Variants in AP2A2 observed in about 807,000 individuals in gnomAD.
AP2A2 encodes the protein AP-2 complex subunit alpha-2.
Under a neutral mutation model 104.2 loss-of-function variants are expected in AP2A2, and 32 were observed. The observed-to-expected ratio is 0.31, with a 90% CI of 0.23 to 0.41. The LOEUF (loss-of-function observed/expected upper bound fraction) is 0.41, where lower values mean the gene tolerates loss of function less well. Among genes scored for constraint, AP2A2 ranks in the 10% least tolerant of loss-of-function variants. The pLI, the probability that AP2A2 is intolerant of heterozygous loss-of-function variation, is 1.00. For synonymous variants in AP2A2, 539 were observed against 533.3 expected (o/e 1.01, Z -0.15); for missense variants, 912 against 1,261.0 (o/e 0.72, Z 4.19).
rs757038901 is a variant in AP2A2, at chr11:994,135, A to G, written c.1846A>G (p.Lys616Glu). The change falls in exon 14 of 22, where the codon AAG becomes GAG. Residue 616 changes from lysine (K) to glutamate (E), a missense_variant. Coordinates refer to ENST00000448903, the MANE Select transcript of AP2A2 (RefSeq NM_012305.4). ...ERESSILAKL[K>E]KKKGPSTVTD... ...GGAGTCCTCCATCTTGGCAAAGCTC[A>G]AGAAGAAGAAGGGCCCCAGCACGGT... 14 of 1,612,590 alleles carry G rather than the reference A, an allele frequency of 8.7e-6. No homozygotes were observed. Among genetic ancestry groups the G allele is most frequent in the Non-Finnish European group, 1.2e-5 (14 of 1,179,388 alleles).
At chr11:997,075 C>G (rs906297202) in intron 14 of AP2A2, among the ~76,000 whole-genome samples, 1 of 152,172 alleles carries the variant, frequency 6.6e-6, no homozygotes, top group Admixed American at 6.5e-5. Flanking sequence ...TGCTCAGGGT[C>G]TTCTGTATGG....
chr11:986,694 G>A (rs1855469190), intron 8 of AP2A2, 91 bp from the exon 9 acceptor site: 4 of 1,455,560 alleles, frequency 2.7e-6, no homozygotes, highest in East Asian at 4.9e-5. Context: ...TTTGCTGTCT[G>A]CCATCTGGAC....
intron 16 of AP2A2, among the ~76,000 whole-genome samples, chr11:1,004,474 A>G (rs1236669514): frequency 6.9e-6 from 1 of 145,604 alleles, no homozygotes; most frequent in Non-Finnish European, 1.5e-5. Context: ...CTCTGTAAAT[A>G]AATAAATAAA....
chr11:970,491 G>A (rs1443742703), intron 3 of AP2A2, among the ~76,000 whole-genome samples, 180 bp downstream of exon 3: 1 of 152,230 alleles, frequency 6.6e-6, no homozygotes, highest in Non-Finnish European at 1.5e-5. Context: ...AACACCCTGC[G>A]GGCCCCCTTC....
intron 2 of AP2A2, among the ~76,000 whole-genome samples, chr11:967,348 C>T (rs911413755): frequency 2.2e-4 from 33 of 151,910 alleles, no homozygotes; most frequent in Non-Finnish European, 8.8e-5. Context: ...TGTGCTGTTT[C>T]GTTTTATTTT....
Position 927,565 on chromosome 11 carries a change from C to T in AP2A2, c.67+1477C>T, listed in dbSNP as rs542220490. Reference sequence around the variant, plus strand: ...GTGCGGTGGCTCAAACCTATAGTCCCAGCATTTTGGGAGGCTGAGGCAGGT... The same window carrying T: ...GTGCGGTGGCTCAAACCTATAGTCCTAGCATTTTGGGAGGCTGAGGCAGGT... On this transcript the variant is annotated intron_variant, in intron 1 of 21. Transcript: ENST00000448903. Among the ~76,000 whole-genome samples the T allele has an allele frequency of 4.3e-4, 65 of 151,110 alleles. No homozygotes were observed. The South Asian group carries it at 0.014, about 32-fold the overall frequency.
At chr11:1,001,019 C>T (rs1856013843) in intron 15 of AP2A2, among the ~76,000 whole-genome samples, 1 of 152,226 alleles carries the variant, frequency 6.6e-6, no homozygotes, top group African/African-American at 2.4e-5. Context: ...TGTGTCTGTC[C>T]TGGAGGCCCG....
intron 1 of AP2A2, among the ~76,000 whole-genome samples, chr11:929,680 C>T (rs530806421): frequency 2.6e-5 from 4 of 152,206 alleles, no homozygotes; most frequent in African/African-American, 9.6e-5. Flanking sequence ...CCTGTGGTCC[C>T]AGTTACTCAG....
At chr11:944,068 G>A (rs929422092) in intron 1 of AP2A2, among the ~76,000 whole-genome samples, 1 of 151,118 alleles carries the variant, frequency 6.6e-6, no homozygotes, top group Non-Finnish European at 1.5e-5. Context: ...GAGTAAGGGA[G>A]TCTGACTGGA....
intron 1 of AP2A2, chr11:942,367 T>C (rs574614942): frequency 1.6e-4 from 24 of 152,364 alleles, no homozygotes; most frequent in African/African-American, 5.8e-4. Context: ...AAGGACCTTG[T>C]TCCCCATTCA....
At chr11:988,963 C>G (rs1327246041) in intron 10 of AP2A2, 1 of 479,822 alleles carries the variant, frequency 2.1e-6, no homozygotes. Flanking sequence ...TCACTGCACT[C>G]TAGCCTGGGC....
At chr11:1,010,209 A>C in intron 21 of AP2A2, 1 of 492,034 alleles carries the variant, frequency 2.0e-6, no homozygotes, top group Non-Finnish European at 3.6e-6. Context: ...CGTTCTGGCG[A>C]CGGACACCTG....
intron 3 of AP2A2, among the ~76,000 whole-genome samples, chr11:971,169 A>C (rs1408373885): frequency 6.6e-6 from 1 of 152,020 alleles, no homozygotes; most frequent in African/African-American, 2.4e-5. Flanking sequence ...CAGGGACTGG[A>C]ACTTGGGCCT....
At chr11:994,932 A>G (rs1855801233) in intron 14 of AP2A2, among the ~76,000 whole-genome samples, 1 of 125,322 alleles carries the variant, frequency 8.0e-6, no homozygotes, top group African/African-American at 2.9e-5. Context: ...CCTGGGGGCC[A>G]CTGTCCCTGC....
At chr11:943,977 G>T (rs1049716243) in intron 1 of AP2A2, among the ~76,000 whole-genome samples, 4 of 149,376 alleles carry the variant, frequency 2.7e-5, no homozygotes, top group Non-Finnish European at 5.9e-5. Context: ...AGGAGAGTCC[G>T]ACCGGAGATG....
chr11:947,268 C>T (rs185942006), intron 1 of AP2A2, among the ~76,000 whole-genome samples: 3 of 152,216 alleles, frequency 2.0e-5, no homozygotes, highest in Non-Finnish European at 4.4e-5. Context: ...GCCTTGGCTT[C>T]CCAAAGAGCT....
chr11:983,946 T>A (rs1284102133), intron 6 of AP2A2, among the ~76,000 whole-genome samples: 4 of 152,150 alleles, frequency 2.6e-5, no homozygotes, highest in Non-Finnish European at 5.9e-5. Context: ...GTGACCCAAG[T>A]CTGGGCTGGC....
chr11:945,144 C>T (rs945050773), intron 1 of AP2A2, among the ~76,000 whole-genome samples: 1 of 151,992 alleles, frequency 6.6e-6, no homozygotes, highest in Non-Finnish European at 1.5e-5. Context: ...GTGTGCCACG[C>T]TGCAGAGAGG....
chr11:998,821 G>A (rs1430190495), intron 14 of AP2A2, among the ~76,000 whole-genome samples: 1 of 152,178 alleles, frequency 6.6e-6, no homozygotes, highest in East Asian at 1.9e-4. Flanking sequence ...CACCTCCTGA[G>A]TAGCTGGGAT....
Sources: gnomAD v4.1 joint callset for allele counts (sites outside exome capture counted in the v4.1 genomes callset) on GRCh38, gnomAD v4.1.1 for gene constraint, MANE v1.5 for transcripts, NCBI Gene and HGNC (gene_info 2026-07-23, HGNC 2026-07-21) for gene names.